The following TNRC18 variants were observed in gnomAD, a reference collection of about 807,000 sequenced individuals.
The protein encoded by TNRC18 is trinucleotide repeat containing 18, also known as trinucleotide repeat-containing gene 18 protein.
TNRC18 carries 69 observed loss-of-function variants against 226.7 expected under a neutral mutation model. That is an observed-to-expected ratio of 0.30 (90% CI 0.25 to 0.37). The LOEUF is 0.37. Among genes scored for constraint, TNRC18 ranks in the 10% least tolerant of loss-of-function variants. The pLI is 1.00. For synonymous variants in TNRC18, 2,449 were observed against 1,927.6 expected (o/e 1.27, Z -7.09); for missense variants, 4,754 against 4,256.6 (o/e 1.12, Z -3.25).
Position 5,376,943 on chromosome 7 carries a change from C to G in TNRC18, c.2512G>C (p.Gly838Arg). 6.3e-7 allele frequency: 1 copy of G among 1,595,154 alleles called. No homozygotes were observed. Among genetic ancestry groups the G allele is most frequent in the Non-Finnish European group, 8.5e-7 (1 of 1,171,236 alleles). The change falls in exon 8 of 30, where the codon GGC (glycine) becomes CGC (arginine). Residue 838 changes from glycine to arginine, a missense_variant. Physicochemically the swap from Gly to Arg is moderately radical, Grantham distance 125. Coordinates refer to ENST00000430969, the MANE Select transcript of TNRC18 (RefSeq NM_001080495.3). ...HQGMAPAFPP[G>R]LGGSLPSAYQ... ...GCTGACGGGAGGGAGCCCCCCAGGCCAGGTGGGAACGCAGGGGCCATGCCC... is the reference window on the plus strand; with the variant it reads ...GCTGACGGGAGGGAGCCCCCCAGGCGAGGTGGGAACGCAGGGGCCATGCCC...
At chr7:5,422,949 A>C (rs1782667337) in intron 1 of TNRC18, 1 of 152,172 alleles carries the variant, frequency 6.6e-6, no homozygotes, top group African/African-American at 2.4e-5. Flanking sequence ...TAGTATGCCC[A>C]GGCGCCCCAG....
chr7:5,422,877 T>G (rs1782663510), intron 1 of TNRC18: 1 of 152,222 alleles, frequency 6.6e-6, no homozygotes, highest in African/African-American at 2.4e-5. Context: ...GGCGATGAGC[T>G]TCCCGTGATT....
At position 5,394,273 on chromosome 7, in the gene TNRC18, A is replaced by G. The variant is rs1470895023; in HGVS notation, c.343+167T>C. Among the ~76,000 whole-genome samples, 2 of 152,126 alleles carry G rather than the reference A, an allele frequency of 1.3e-5. No individual in the cohort carries two copies. The highest frequency in any genetic ancestry group is 4.8e-5 in the African/African-American group (2 of 41,422). ...ACAGCTCATACAAATGCCCTGTGAC[A>G]GTGACAAGAAGAAGCCCTGAGCGTT... On this transcript the variant is annotated intron_variant, in intron 3 of 29. Coordinates refer to ENST00000430969, the MANE Select transcript of TNRC18 (RefSeq NM_001080495.3). The surrounding 1 kb of genome is among the most constrained non-coding windows in gnomAD (Gnocchi z 4.5).
intron 18 of TNRC18, 45 bp downstream of exon 18, chr7:5,345,517 G>GGGGCGGGCACCCCCCCC: frequency 2.6e-6 from 1 of 377,744 alleles, no homozygotes; most frequent in Non-Finnish European, 4.8e-6. Flanking sequence ...AATGGCGTCC[G>GGGGCGGGCACCCCCCCC]CCCCTCCCAC....
At chr7:5,325,297 C>T in intron 19 of TNRC18, 49 bp from the exon 20 acceptor site, 5 of 1,534,838 alleles carry the variant, frequency 3.3e-6, no homozygotes, top group Non-Finnish European at 4.4e-6. Context: ...AGGGAAAGCA[C>T]AGGCAGCACC....
rs755309094 is a variant in TNRC18 at position 5,389,113 on chromosome 7, G to A, written c.711C>T (p.Gly237=). The A allele has an allele frequency of 1.7e-5, 23 of 1,314,556 alleles. No homozygotes were observed. Among genetic ancestry groups the A allele is most frequent in the Non-Finnish European group, 2.2e-5 (23 of 1,030,598 alleles). The allele number at this position is 1,314,556 out of a possible 1,614,324, so 81.4% of individuals were successfully genotyped here. The change falls in exon 5 of 30, where the codon GGC becomes GGT. Residue 237 remains glycine (G), a synonymous_variant. Transcript: ENST00000430969. ...GCGCCTCCTGGGTCAGGTCCACCAC[G>A]CCCCGTGGCCCCGAGGCCTCCTCGC... is the stretch of plus-strand genomic sequence containing the variant. The part of the protein sequence containing the change: ...ARGEEASGPR[G]VVDLTQEARA...
intron 14 of TNRC18, among the ~76,000 whole-genome samples, chr7:5,360,878 TC>T (rs548107911): frequency 6.6e-6 from 1 of 151,620 alleles, no homozygotes; most frequent in Admixed American, 6.6e-5. Context: ...CCTCCGAAGG[TC>T]CCCCCACGCT....
At chr7:5,333,194 C>A in intron 18 of TNRC18, 145 bp from the exon 19 acceptor site, 3 of 983,892 alleles carry the variant, frequency 3.0e-6, no homozygotes, top group Non-Finnish European at 4.6e-6. Flanking sequence ...GAAACTGAGG[C>A]CCAGAGGAGA....
chr7:5,320,173 A>T (rs1788203116), intron 24 of TNRC18, 145 bp downstream of exon 24: 7 of 654,140 alleles, frequency 1.1e-5, no homozygotes. Context: ...CCTGGATCCA[A>T]TCATGCCTGA....
At chr7:5,343,252 G>GCT (rs1328405925) in intron 18 of TNRC18, among the ~76,000 whole-genome samples, 1 of 128,178 alleles carries the variant, frequency 7.8e-6, no homozygotes, top group Non-Finnish European at 1.8e-5. Flanking sequence ...TACTCGGGAG[G>GCT]CTGAGGCAGG....
chr7:5,408,653 AG>A (rs1408236701), intron 2 of TNRC18, among the ~76,000 whole-genome samples: 1 of 152,148 alleles, frequency 6.6e-6, no homozygotes, highest in African/African-American at 2.4e-5. Context: ...AAAAACAGAA[AG>A]AAAAAAAAAC....
rs1200767714 is a variant in TNRC18, at chr7:5,307,952, TCACCCGGGCATCCACGTG to T, written c.*136_*153del. 54 of 667,436 alleles carry T rather than the reference TCACCCGGGCATCCACGTG, an allele frequency of 8.1e-5. No homozygotes were observed. The South Asian group carries it at 9.9e-4, about 12-fold the overall frequency. 41.3% of individuals were successfully genotyped at this position (667,436 alleles called of 1,614,324 possible). ...TGCACACACGTGCATGCACACACAC[TCACCCGGGCATCCACGTG>T]CACACCTGGCCCCATGCACACGCCT... is the stretch of plus-strand genomic sequence containing the variant. On this transcript the variant is annotated 3_prime_UTR_variant, in exon 30 of 30. Coordinates refer to ENST00000430969, the MANE Select transcript of TNRC18 (RefSeq NM_001080495.3).
chr7:5,307,261 A>ATATT lies in TNRC18; in HGVS notation c.*841_*844dup, dbSNP rs1267547011. The ATATT allele has an allele frequency of 1.3e-5, 2 of 148,662 alleles. No homozygotes were observed. Among genetic ancestry groups the ATATT allele is most frequent in the African/African-American group, 2.4e-5 (1 of 40,930 alleles). 9.2% of individuals were successfully genotyped at this position (148,662 alleles called of 1,614,324 possible). ...TCACAGTTTTAAAAAGTTTATATAT[A>ATATT]TATTTATATATATTTATCTTTATAT... On this transcript the variant is annotated 3_prime_UTR_variant, in exon 30 of 30. Coordinates refer to ENST00000430969, the MANE Select transcript of TNRC18 (RefSeq NM_001080495.3).
intron 2 of TNRC18, among the ~76,000 whole-genome samples, chr7:5,402,969 C>T (rs1260465084): frequency 1.1e-4 from 16 of 152,168 alleles, no homozygotes; most frequent in Non-Finnish European, 1.2e-4. Context: ...CTACCCTGTG[C>T]TCCCCACTCC....
At position 5,357,120 on chromosome 7, in the gene TNRC18, T is replaced by G; in HGVS notation, c.4990A>C (p.Arg1664=). The G allele has an allele frequency of 6.4e-7, 1 of 1,554,688 alleles. No individual in the cohort carries two copies. The highest frequency in any genetic ancestry group is 8.7e-7 in the Non-Finnish European group (1 of 1,148,388). ...GKSKTSGGCG[R]YLTPYDSLLG... is the part of the protein sequence containing the mutation. ...AGGCTGTCGTAAGGAGTCAAGTACC[T>G]GCCGCAGCCCCCGCTAGTTTTCGAT... The change falls in exon 16 of 30, where the codon AGG becomes CGG. Residue 1664 remains arginine (R), a synonymous_variant. Coordinates refer to ENST00000430969, the MANE Select transcript of TNRC18 (RefSeq NM_001080495.3).
rs1157434100 is a variant in TNRC18 at position 5,337,340 on chromosome 7, C to T, written c.5720-4291G>A. Among the ~76,000 whole-genome samples, 4 of 151,892 alleles carry T rather than the reference C, an allele frequency of 2.6e-5. No individual in the cohort carries two copies. In the East Asian group the frequency reaches 5.8e-4, roughly 22 times the overall value. ...TTCAGGTAAGAGAACACTAAGAGGC[C>T]GGGCATGATGGCTCACACCTGTAAT... On this transcript the variant is annotated intron_variant, in intron 18 of 29. Coordinates refer to ENST00000430969, the MANE Select transcript of TNRC18 (RefSeq NM_001080495.3).
rs377160183 is a variant in TNRC18 at position 5,313,814 on chromosome 7, A to T, written c.7077T>A (p.Ser2359Arg). ...TGCTCGGCTCCAGGGCTAAGGGGGT[A>T]CTGGGGACCTCGTCTGTTGGGTTCC... ...EEGNPTDEVP[S>R]TPLALEPSST... The change falls in exon 27 of 30, where the codon AGT (serine) becomes AGA (arginine). Residue 2359 changes from serine to arginine, a missense_variant. By Grantham distance (110) the Ser-to-Arg change is moderately radical. Coordinates refer to ENST00000430969, the MANE Select transcript of TNRC18 (RefSeq NM_001080495.3). 44 of 1,513,358 alleles carry T rather than the reference A, an allele frequency of 2.9e-5. No homozygotes were observed. Among genetic ancestry groups the T allele is most frequent in the Non-Finnish European group, 3.7e-5 (42 of 1,131,448 alleles). 93.7% of individuals were successfully genotyped at this position (1,513,358 alleles called of 1,614,324 possible).
In TNRC18 at chr7:5,376,861, T is replaced by G; in HGVS notation, c.2594A>C (p.His865Pro). ...GGTCCACTTACCAAAGTGAGGAAGG[T>G]GATCACTGGGAATGACCACCAGCTG... ...SGQLVVIPSD[H>P]LPHFAELMER... The change falls in exon 8 of 30, where the codon CAC becomes CCC. Residue 865 changes from histidine to proline, a missense_variant. Coordinates refer to ENST00000430969, the MANE Select transcript of TNRC18 (RefSeq NM_001080495.3). The G allele has an allele frequency of 6.2e-7, 1 of 1,611,448 alleles. No individual in the cohort carries two copies. Among genetic ancestry groups the G allele is most frequent in the Middle Eastern group, 1.7e-4 (1 of 6,056 alleles).
rs553376546 is a variant in TNRC18, at chr7:5,361,669, G to A, written c.4586C>T (p.Pro1529Leu). Residue 1529 changes from proline to leucine, a missense_variant, in exon 14 of 30, where the codon CCG (proline) becomes CTG (leucine). Physicochemically the swap from Pro to Leu is moderately conservative, Grantham distance 98. Coordinates refer to ENST00000430969, the MANE Select transcript of TNRC18 (RefSeq NM_001080495.3). Reference sequence around the variant, plus strand: ...GCTCGGGGCGTGGGTCCGTTTCCGCGGCCTGCCAGGGCCTCTGCGTGCCAA... The same window carrying A: ...GCTCGGGGCGTGGGTCCGTTTCCGCAGCCTGCCAGGGCCTCTGCGTGCCAA... ...RSLARRGPGR[P>L]RKRTHAPSAL... 20 of 1,563,020 alleles carry A rather than the reference G, an allele frequency of 1.3e-5. No individual in the cohort carries two copies. Among genetic ancestry groups the A allele is most frequent in the Admixed American group, 1.9e-5 (1 of 53,088 alleles).
Sources: gnomAD v4.1 joint callset for allele counts (sites outside exome capture counted in the v4.1 genomes callset) on GRCh38, gnomAD v4.1.1 for gene constraint, Gnocchi (gnomAD v3.1) non-coding constraint, MANE v1.5 for transcripts, NCBI Gene and HGNC (gene_info 2026-07-23, HGNC 2026-07-21) for gene names.